Variants in ROR1 observed in about 807,000 individuals in gnomAD.
ROR1 encodes ROR family WNT receptor 1.
In ROR1, 19 loss-of-function variants were observed where a neutral mutation model predicts 78.8. The ratio of observed to expected loss-of-function variants is 0.24; its 90% CI spans 0.17 to 0.35. The LOEUF (loss-of-function observed/expected upper bound fraction) is 0.35, where lower values mean the gene tolerates loss of function less well. Among genes scored for constraint, ROR1 ranks in the 10% least tolerant of loss-of-function variants. The probability of loss-of-function intolerance (pLI) is 1.00; values close to 1 mark genes in which losing one functional copy is unlikely to be tolerated. For synonymous variants in ROR1, 386 were observed against 433.6 expected, an observed-to-expected ratio of 0.89 and a Z score of 1.36; for missense variants, 917 against 1,177.8, an observed-to-expected ratio of 0.78 and a Z score of 3.24.
At chr1:63,989,177 T>G (rs1436940199) in intron 1 of ROR1, among the ~76,000 whole-genome samples, 1 of 151,434 alleles carries the variant, frequency 6.6e-6, no homozygotes, top group Non-Finnish European at 1.5e-5. Flanking sequence ...TGTTTTTTTT[T>G]TTTTTTAAAC....
intron 1 of ROR1, among the ~76,000 whole-genome samples, chr1:63,966,434 T>C (rs1646076358): frequency 6.6e-6 from 1 of 152,216 alleles, no homozygotes; most frequent in Non-Finnish European, 1.5e-5. Flanking sequence ...TGTACAGAGA[T>C]AAACAGATGG....
At chr1:63,843,185 AC>A in intron 1 of ROR1, 1 of 1,301,000 alleles carries the variant, frequency 7.7e-7, no homozygotes, top group Non-Finnish European at 1.1e-6. Context: ...GGTGGCCAGA[AC>A]CGGCTCACAA....
At chr1:63,949,905 G>A (rs984695270) in intron 1 of ROR1, among the ~76,000 whole-genome samples, 6 of 152,088 alleles carry the variant, frequency 3.9e-5, no homozygotes, top group Admixed American at 3.9e-4. Context: ...TTCATTAGAC[G>A]ACATTCGTAA....
intron 1 of ROR1, among the ~76,000 whole-genome samples, chr1:63,966,541 A>G (rs1646077021): frequency 1.3e-5 from 2 of 152,196 alleles, no homozygotes; most frequent in South Asian, 4.1e-4. Context: ...GAGTTTTTAC[A>G]ACAGAAGTTA....
At chr1:63,845,625 A>AC (rs1645075886) in intron 1 of ROR1, among the ~76,000 whole-genome samples, 1 of 152,048 alleles carries the variant, frequency 6.6e-6, no homozygotes, top group Admixed American at 6.6e-5. Context: ...TCAATCCTTG[A>AC]CCCACTGTTT....
intron 1 of ROR1, among the ~76,000 whole-genome samples, chr1:63,820,111 A>G (rs1644915170): frequency 6.6e-6 from 1 of 152,222 alleles, no homozygotes; most frequent in South Asian, 2.1e-4. Context: ...GTAAAATGTC[A>G]TTGATAAGAT....
rs75707333 is a variant in ROR1, at chr1:63,852,737, C to T, written c.91+78229C>T. ...TGGGAGAGTGTAGTTGTTGAATTCA[C>T]ATTCTACTTTTAGGACAAATCTGTA... is the stretch of plus-strand genomic sequence containing the variant. On this transcript the variant is annotated intron_variant, in intron 1 of 8. Transcript: ENST00000371079. Among the ~76,000 whole-genome samples the T allele has an allele frequency of 1.7e-3, 259 of 152,300 alleles. 4 individuals carry two copies. In the East Asian group the frequency reaches 0.03, roughly 18 times the overall value.
At chr1:63,990,285 G>T (rs1570023440) in intron 1 of ROR1, among the ~76,000 whole-genome samples, 1 of 152,238 alleles carries the variant, frequency 6.6e-6, no homozygotes, top group African/African-American at 2.4e-5. Flanking sequence ...GAGTATTTTG[G>T]CTGGAACTCC....
chr1:63,792,958 C>G (rs1256971664), intron 1 of ROR1, among the ~76,000 whole-genome samples: 1 of 152,194 alleles, frequency 6.6e-6, no homozygotes, highest in African/African-American at 2.4e-5. Flanking sequence ...GCTAGGACTC[C>G]CAGTCCACTC....
chr1:63,887,110 G>C (rs772626561), intron 1 of ROR1, among the ~76,000 whole-genome samples: 14 of 152,172 alleles, frequency 9.2e-5, no homozygotes, highest in Non-Finnish European at 1.8e-4. Context: ...CAGCATGTCT[G>C]TGGAAAGTGG....
At chr1:64,036,485 A>T (rs1646703513) in intron 2 of ROR1, among the ~76,000 whole-genome samples, 1 of 152,180 alleles carries the variant, frequency 6.6e-6, no homozygotes, top group African/African-American at 2.4e-5. Flanking sequence ...ATATACTCCC[A>T]TCATGTATTC....
chr1:63,976,978 G>A (rs1056812507), intron 1 of ROR1, among the ~76,000 whole-genome samples: 2 of 152,156 alleles, frequency 1.3e-5, no homozygotes, highest in African/African-American at 4.8e-5. Context: ...CATATCTGGG[G>A]AAGCCTCAGG....
At chr1:63,992,611 A>C (rs1412041717) in intron 1 of ROR1, among the ~76,000 whole-genome samples, 6 of 152,246 alleles carry the variant, frequency 3.9e-5, no homozygotes, top group African/African-American at 1.4e-4. Context: ...TAGTTTAAAC[A>C]GAAGCCACTG....
chr1:63,904,818 A>G (rs1477329949), intron 1 of ROR1, among the ~76,000 whole-genome samples: 1 of 152,190 alleles, frequency 6.6e-6, no homozygotes, highest in Admixed American at 6.5e-5. Context: ...GCTTCAGAGG[A>G]GGCCAACCTG....
At chr1:63,979,002 C>T (rs1646186067) in intron 1 of ROR1, among the ~76,000 whole-genome samples, 1 of 152,076 alleles carries the variant, frequency 6.6e-6, no homozygotes, top group Non-Finnish European at 1.5e-5. Context: ...GGAGTAATTC[C>T]CTCTTGCGCT....
intron 4 of ROR1, among the ~76,000 whole-genome samples, chr1:64,113,266 G>GT (rs1648182073): frequency 6.6e-6 from 1 of 152,056 alleles, no homozygotes; most frequent in South Asian, 2.1e-4. Flanking sequence ...TTCTTCATTG[G>GT]TTTTCACTAA....
chr1:64,179,102 T>C lies in ROR1; in HGVS notation c.*247T>C. On this transcript the variant is annotated 3_prime_UTR_variant, in exon 9 of 9. Transcript: ENST00000371079. ...CTCCATTGGAGTGCATGACATGGCATTGGGATTGGAACATGTGGTTTCGAG... is the reference window on the plus strand; with the variant it reads ...CTCCATTGGAGTGCATGACATGGCACTGGGATTGGAACATGTGGTTTCGAG... The C allele has an allele frequency of 2.6e-6, 1 of 383,364 alleles. No individual in the cohort carries two copies. Among genetic ancestry groups the C allele is most frequent in the Non-Finnish European group, 4.6e-6 (1 of 215,884 alleles). The allele number at this position is 383,364 out of a possible 1,614,324, so 23.7% of individuals were successfully genotyped here.
At chr1:63,821,883 C>A (rs1644925839) in intron 1 of ROR1, among the ~76,000 whole-genome samples, 1 of 152,178 alleles carries the variant, frequency 6.6e-6, no homozygotes, top group Non-Finnish European at 1.5e-5. Context: ...CCTCAAGTGG[C>A]TGGGGAGTGA....
At chr1:63,787,771 C>G (rs555125716) in intron 1 of ROR1, among the ~76,000 whole-genome samples, 2 of 152,326 alleles carry the variant, frequency 1.3e-5, no homozygotes, top group East Asian at 3.9e-4. Context: ...AGTGATCCAC[C>G]CACCTTGGCC....
Sources: allele counts gnomAD v4.1 joint callset (sites outside exome capture counted in the v4.1 genomes callset), GRCh38; gene constraint gnomAD v4.1.1; transcripts MANE v1.5; gene names NCBI Gene and HGNC (gene_info 2026-07-23, HGNC 2026-07-21).